Variants in ATP2C1 observed in about 807,000 individuals in gnomAD.
ATP2C1 encodes ATPase secretory pathway Ca2+ transporting 1, also known as calcium-transporting ATPase type 2C member 1.
In ATP2C1, 31 loss-of-function variants were observed where a neutral mutation model predicts 120.5. The observed-to-expected ratio is 0.26, with a 90% confidence interval of 0.19 to 0.35. The LOEUF is 0.35. Ranked by LOEUF, ATP2C1 falls within the 10% of genes least tolerant of loss-of-function variation. The probability of loss-of-function intolerance (pLI) is 1.00; values close to 1 mark genes in which losing one functional copy is unlikely to be tolerated. For missense variants in ATP2C1, 731 were observed against 1,107.5 expected (o/e 0.66, Z 4.83); for synonymous variants, 351 against 358.7 (o/e 0.98, Z 0.24).
intron 2 of ATP2C1, among the ~76,000 whole-genome samples, chr3:130,895,215 T>C (rs977828927): frequency 6.6e-6 from 1 of 152,170 alleles, no homozygotes; most frequent in Non-Finnish European, 1.5e-5. Flanking sequence ...CAAGCCATGT[T>C]TTATTATGTC....
chr3:130,919,039 C>T, intron 2 of ATP2C1: 1 of 492,490 alleles, frequency 2.0e-6, no homozygotes, highest in Non-Finnish European at 4.0e-6. Flanking sequence ...GAAGCTCCTG[C>T]CATTACACTG....
At chr3:130,926,857 T>A (rs917262888) in intron 2 of ATP2C1, among the ~76,000 whole-genome samples, 1 of 152,242 alleles carries the variant, frequency 6.6e-6, no homozygotes, top group African/African-American at 2.4e-5. Flanking sequence ...CTGGTTTTGG[T>A]TGCCCAGTAG....
upstream of ATP2C1, among the ~76,000 whole-genome samples, chr3:130,893,657 C>A (rs1457627220): frequency 1.3e-5 from 2 of 152,266 alleles, no homozygotes; most frequent in African/African-American, 4.8e-5. Flanking sequence ...GTAGAGAGCG[C>A]TTAAACGCCT....
At chr3:130,881,348 TC>T (rs2068773790) in intron 1 of ATP2C1, among the ~76,000 whole-genome samples, 1 of 105,794 alleles carries the variant, frequency 9.5e-6, no homozygotes, top group African/African-American at 3.3e-5. Flanking sequence ...CTTCTTCTTC[TC>T]CTCCTCCTCC....
intron 1 of ATP2C1, among the ~76,000 whole-genome samples, chr3:130,860,313 T>C (rs2067974828): frequency 6.6e-6 from 1 of 152,280 alleles, no homozygotes; most frequent in Non-Finnish European, 1.5e-5. Context: ...AAAATGAAAA[T>C]ACCCACATAT....
chr3:131,016,246 A>T, exon 27 of ATP2C1: 1 of 1,614,148 alleles, frequency 6.2e-7, no homozygotes, highest in Non-Finnish European at 8.5e-7. Context: ...AGCTGTGTCT[A>T]AGTCCAGTCT....
Position 130,894,162 on chromosome 3 carries a change from C to CCCCCCCCA in ATP2C1, c.-356_-355insCCCCCCCA. 2 of 733,882 alleles carry CCCCCCCCA rather than the reference C, an allele frequency of 2.7e-6. No individual in the cohort carries two copies. The highest frequency in any genetic ancestry group is 3.3e-6 in the Non-Finnish European group (2 of 600,202). 45.5% of individuals were successfully genotyped at this position (733,882 alleles called of 1,614,324 possible). A position where few individuals can be genotyped will look rare whatever the true frequency, so the allele number is the denominator to read the frequency against. On this transcript the variant is annotated 5_prime_UTR_variant, in exon 1 of 28. Coordinates refer to ENST00000510168, the MANE Select transcript of ATP2C1 (RefSeq NM_001378687.1). This position sits in a 1 kb window ranked among gnomAD's most constrained non-coding sequence, Gnocchi z 4.5. The stretch of plus-strand genomic sequence containing the variant: ...CCTCCTCTTCTCTCCCCTCCCCGCC[C>CCCCCCCCA]GCCCTCTCTCCCTCCCTTCCTCCCT...
At chr3:130,980,701 T>G (rs767027842) in intron 20 of ATP2C1, 22 bp downstream of exon 20, 3 of 1,565,182 alleles carry the variant, frequency 1.9e-6, no homozygotes, top group Non-Finnish European at 2.6e-6. Context: ...CTAAAGCCTT[T>G]TGGACTGAAA....
At chr3:130,998,161 C>A in intron 25 of ATP2C1, 133 bp from the exon 26 acceptor site, 1 of 694,880 alleles carries the variant, frequency 1.4e-6, no homozygotes, top group Non-Finnish European at 2.6e-6. Context: ...ATTTAGGTAG[C>A]TTTTATGTTT....
chr3:131,014,011 A>T, intron 26 of ATP2C1: 1 of 1,397,026 alleles, frequency 7.2e-7, no homozygotes, highest in Non-Finnish European at 9.7e-7. Context: ...GAAGAATTTT[A>T]AGTAAGGATT....
At chr3:130,983,918 G>C (rs1034298497) in intron 20 of ATP2C1, among the ~76,000 whole-genome samples, 1 of 152,100 alleles carries the variant, frequency 6.6e-6, no homozygotes, top group Non-Finnish European at 1.5e-5. Context: ...CTTTTGAAGG[G>C]CATCTTAGTT....
Position 131,014,668 on chromosome 3 carries a change from T to TAACA in ATP2C1, c.2630-1479_2630-1476dup, listed in dbSNP as rs1398741579. On this transcript the variant is annotated intron_variant, in intron 26 of 26. Coordinates refer to the ATP2C1 transcript ENST00000328560. ...TAGCCCCAGACTGAGCAGGTGTCTT[T>TAACA]AACAAACACTTTAATTTTAAAGAAA... Among the ~76,000 whole-genome samples, 9 of 152,350 alleles carry TAACA rather than the reference T, an allele frequency of 5.9e-5. No homozygotes were observed. The East Asian group carries it at 1.2e-3, about 20-fold the overall frequency.
chr3:130,897,431 G>A (rs2069728951), intron 2 of ATP2C1, among the ~76,000 whole-genome samples: 1 of 152,172 alleles, frequency 6.6e-6, no homozygotes, highest in Non-Finnish European at 1.5e-5. Flanking sequence ...CAAAGTTGAT[G>A]TGAGTAATAA....
intron 2 of ATP2C1, among the ~76,000 whole-genome samples, chr3:130,924,682 C>A (rs1354645272): frequency 6.6e-6 from 1 of 152,130 alleles, no homozygotes; most frequent in Non-Finnish European, 1.5e-5. Flanking sequence ...TTTCAAATTT[C>A]TTTTCTTCCT....
At chr3:130,893,224 T>C (rs984102788), upstream of ATP2C1, among the ~76,000 whole-genome samples, 11 of 152,166 alleles carry the variant, frequency 7.2e-5, no homozygotes, top group Admixed American at 6.5e-4. Flanking sequence ...TGAAAAGGCA[T>C]TGACACTGGA....
intron 5 of ATP2C1, among the ~76,000 whole-genome samples, chr3:130,935,393 A>G (rs903305683): frequency 1.3e-5 from 2 of 152,332 alleles, no homozygotes; most frequent in Non-Finnish European, 2.9e-5. Context: ...ATATGATTTT[A>G]TTCTTTCCAG....
chr3:130,879,660 T>C (rs1443630775), intron 1 of ATP2C1, among the ~76,000 whole-genome samples: 1 of 152,250 alleles, frequency 6.6e-6, no homozygotes, highest in Admixed American at 6.5e-5. Context: ...GTGTAACCGT[T>C]GTTTTCTTCC....
At chr3:130,938,869 C>A (rs2059781241) in intron 6 of ATP2C1, among the ~76,000 whole-genome samples, 1 of 152,176 alleles carries the variant, frequency 6.6e-6, no homozygotes, top group Non-Finnish European at 1.5e-5. Flanking sequence ...TCTCTTTGAT[C>A]ACTAGAAAGC....
At chr3:130,970,019 A>C (rs1170906404) in intron 17 of ATP2C1, among the ~76,000 whole-genome samples, 1 of 152,148 alleles carries the variant, frequency 6.6e-6, no homozygotes, top group Non-Finnish European at 1.5e-5. Context: ...CTTAACTTTA[A>C]AAAATATTGA....
Sources: allele counts gnomAD v4.1 joint callset (sites outside exome capture counted in the v4.1 genomes callset), GRCh38; gene constraint gnomAD v4.1.1; non-coding constraint Gnocchi (gnomAD v3.1); transcripts MANE v1.5; gene names NCBI Gene and HGNC (gene_info 2026-07-23, HGNC 2026-07-21).